Variants in ADAMTS12 observed in about 807,000 individuals in gnomAD.
The protein encoded by ADAMTS12 is ADAM metallopeptidase with thrombospondin type 1 motif 12, also known as A disintegrin and metalloproteinase with thrombospondin motifs 12.
Under a neutral mutation model 167.8 loss-of-function variants are expected in ADAMTS12, and 118 were observed. That is an observed-to-expected ratio of 0.70 (90% CI 0.61 to 0.82). The LOEUF (loss-of-function observed/expected upper bound fraction) is 0.82. ADAMTS12 is among the 40% of genes least tolerant of loss of function. The pLI, the probability that ADAMTS12 is intolerant of heterozygous loss-of-function variation, is 0.00. For missense variants in ADAMTS12, 1,916 were observed against 1,998.8 expected (o/e 0.96, Z 0.79); for synonymous variants, 704 against 716.9 (o/e 0.98, Z 0.29).
intron 22 of ADAMTS12, among the ~76,000 whole-genome samples, chr5:33,536,247 T>C (rs1744398969): frequency 6.6e-6 from 1 of 152,312 alleles, no homozygotes; most frequent in South Asian, 2.1e-4. Context: ...GTGATTCTCC[T>C]ACCTCAGACT....
intron 18 of ADAMTS12, among the ~76,000 whole-genome samples, chr5:33,577,745 C>T (rs1746835111): frequency 6.7e-6 from 1 of 150,036 alleles, no homozygotes; most frequent in Admixed American, 6.7e-5. Flanking sequence ...CCAAGACCTA[C>T]TCTAAAATTT....
intron 18 of ADAMTS12, among the ~76,000 whole-genome samples, chr5:33,580,234 A>G (rs1746994394): frequency 6.6e-6 from 1 of 152,240 alleles, no homozygotes; most frequent in African/African-American, 2.4e-5. Context: ...TTTATGAAGG[A>G]AAGCAGTTTA....
At chr5:33,642,624 G>A (rs954348774) in intron 10 of ADAMTS12, among the ~76,000 whole-genome samples, 12 of 152,112 alleles carry the variant, frequency 7.9e-5, no homozygotes, top group African/African-American at 1.7e-4. Flanking sequence ...CACGACTATC[G>A]GTTTAGGAGA....
chr5:33,732,422 T>C (rs913344605), intron 3 of ADAMTS12, among the ~76,000 whole-genome samples: 7 of 152,200 alleles, frequency 4.6e-5, no homozygotes, highest in African/African-American at 1.7e-4. Flanking sequence ...AGATGTTACA[T>C]ACTTAATCTC....
intron 3 of ADAMTS12, among the ~76,000 whole-genome samples, chr5:33,698,187 C>T (rs1326172721): frequency 6.6e-6 from 1 of 152,178 alleles, no homozygotes. Context: ...TAAGTTATTT[C>T]TATTTGCCAA....
At chr5:33,560,776 G>T (rs565522284) in intron 20 of ADAMTS12, among the ~76,000 whole-genome samples, 123 of 123,094 alleles carry the variant, frequency 1.0e-3, no homozygotes, top group Middle Eastern at 4.5e-3. Flanking sequence ...GTTGTGGGGT[G>T]GGGGGAGGGG....
chr5:33,571,110 C>A (rs1455887596), intron 19 of ADAMTS12, among the ~76,000 whole-genome samples: 1 of 152,130 alleles, frequency 6.6e-6, no homozygotes, highest in African/African-American at 2.4e-5. Flanking sequence ...CCCTGAGTGA[C>A]CTACAAAGAG....
intron 16 of ADAMTS12, among the ~76,000 whole-genome samples, chr5:33,600,528 A>G (rs2113043): frequency 0.18 from 27,093 of 152,000 alleles, 2,712 homozygotes; most frequent in South Asian, 0.32. Context: ...AAGTGAAGAC[A>G]TAGCTTATTG....
intron 20 of ADAMTS12, among the ~76,000 whole-genome samples, chr5:33,558,604 A>G (rs570837593): frequency 3.3e-4 from 50 of 152,304 alleles, no homozygotes; most frequent in African/African-American, 1.1e-3. Context: ...TGAGCTTGCT[A>G]ATCTTTCATC....
rs61748197 is a variant in ADAMTS12, at chr5:33,614,362, C to T, written c.2403G>A (p.Val801=). Residue 801 remains valine, a synonymous_variant, in exon 16 of 24, where the codon GTG becomes GTA. Coordinates refer to ENST00000504830, the MANE Select transcript of ADAMTS12 (RefSeq NM_030955.4). Reference sequence around the variant, plus strand: ...ACTCATACTTGATGCCAGGGTTAGTCACCTGGAATAGAAGCTAAAAGGCAA... The same window carrying T: ...ACTCATACTTGATGCCAGGGTTAGTTACCTGGAATAGAAGCTAAAAGGCAA... ...ESVWIQLLFQ[V]TNPGIKYEYT... 1 of 1,613,976 alleles carries T rather than the reference C, an allele frequency of 6.2e-7. No homozygotes were observed. The highest frequency in any genetic ancestry group is 1.7e-5 in the Admixed American group (1 of 60,016).
chr5:33,548,655 C>T (rs1745099925), intron 21 of ADAMTS12, among the ~76,000 whole-genome samples: 1 of 151,336 alleles, frequency 6.6e-6, no homozygotes, highest in Non-Finnish European at 1.5e-5. Context: ...TTTTCATGTG[C>T]CAAAGTAAAA....
At chr5:33,545,471 G>T (rs1486401928) in intron 22 of ADAMTS12, among the ~76,000 whole-genome samples, 2 of 152,170 alleles carry the variant, frequency 1.3e-5, no homozygotes. Context: ...CAAGGATCTA[G>T]AACTAGAAAT....
chr5:33,591,227 C>T (rs1204887004), intron 17 of ADAMTS12, among the ~76,000 whole-genome samples: 2 of 152,056 alleles, frequency 1.3e-5, no homozygotes, highest in African/African-American at 4.8e-5. Flanking sequence ...GGGTTAGAGA[C>T]CCTTTGAACC....
rs192155748 is a variant in ADAMTS12, at chr5:33,667,709, G to A, written c.916-5669C>T. Among the ~76,000 whole-genome samples the A allele has an allele frequency of 2.4e-3, 370 of 152,160 alleles. 4 individuals are homozygous for A. Among genetic ancestry groups the A allele is most frequent in the Non-Finnish European group, 3.5e-3 (241 of 67,984 alleles). On this transcript the variant is annotated intron_variant, in intron 5 of 23. Transcript: ENST00000504830. ...GTAGATAATTAAATATATATGTATC[G>A]TCTATCTTCTAAAAATAAGTAGATA...
intron 16 of ADAMTS12, among the ~76,000 whole-genome samples, chr5:33,600,733 A>C (rs1738147455): frequency 6.6e-6 from 1 of 152,214 alleles, no homozygotes; most frequent in Admixed American, 6.5e-5. Context: ...GTTAAATTGC[A>C]CATTAGCACG....
chr5:33,731,350 C>T (rs1487153207), intron 3 of ADAMTS12, among the ~76,000 whole-genome samples: 1 of 152,008 alleles, frequency 6.6e-6, no homozygotes, highest in Non-Finnish European at 1.5e-5. Context: ...TGCACCCAAC[C>T]TTATCTTTCT....
chr5:33,866,744 A>T (rs2111716662), intron 2 of ADAMTS12, among the ~76,000 whole-genome samples: 1 of 152,180 alleles, frequency 6.6e-6, no homozygotes, highest in Non-Finnish European at 1.5e-5. Flanking sequence ...CAAAAAAATC[A>T]GCAAGAAAAA....
intron 18 of ADAMTS12, among the ~76,000 whole-genome samples, chr5:33,582,695 G>A (rs1747129482): frequency 6.6e-6 from 1 of 152,188 alleles, no homozygotes. Flanking sequence ...GGAAGGGCCA[G>A]TTAAAGATCT....
chr5:33,780,421 T>C (rs1262087289), intron 2 of ADAMTS12, among the ~76,000 whole-genome samples: 2 of 152,192 alleles, frequency 1.3e-5, no homozygotes, highest in African/African-American at 4.8e-5. Flanking sequence ...AGGGATTCAA[T>C]GATATTTTTA....
Sources: allele counts gnomAD v4.1 joint callset (sites outside exome capture counted in the v4.1 genomes callset), GRCh38; gene constraint gnomAD v4.1.1; transcripts MANE v1.5; gene names NCBI Gene and HGNC (gene_info 2026-07-23, HGNC 2026-07-21).